The following ZNF217 variants were observed in gnomAD, a reference collection of about 807,000 sequenced individuals.
ZNF217 encodes the protein zinc finger protein 217.
A neutral mutation model predicts 73.3 loss-of-function variants in ZNF217; 12 were observed. The observed-to-expected ratio is 0.16, with a 90% CI of 0.10 to 0.27. The LOEUF (loss-of-function observed/expected upper bound fraction) is 0.27. Among genes scored for constraint, ZNF217 ranks in the 10% least tolerant of loss-of-function variants. The pLI, the probability that ZNF217 is intolerant of heterozygous loss-of-function variation, is 1.00. For synonymous variants in ZNF217, 588 were observed against 516.4 expected, an observed-to-expected ratio of 1.14 and a Z score of -1.88; for missense variants, 1,195 against 1,327.8, an observed-to-expected ratio of 0.90 and a Z score of 1.55.
chr20:53,572,671 G>C (rs778679166), intron 4 of ZNF217: 5 of 152,186 alleles, frequency 3.3e-5, no homozygotes, highest in Admixed American at 3.3e-4. Context: ...TTGACAGAGT[G>C]TTGTCACCAC....
At chr20:53,572,170 T>A (rs1988041561) in intron 4 of ZNF217, among the ~76,000 whole-genome samples, 1 of 152,206 alleles carries the variant, frequency 6.6e-6, no homozygotes, top group Admixed American at 6.5e-5. Context: ...AAAAGTGTTG[T>A]TTTTTGCTTT....
Position 53,581,841 on chromosome 20 carries a change from G to A in ZNF217, c.986C>T (p.Ser329Phe), listed in dbSNP as rs1391146908. 1 of 1,614,244 alleles carries A rather than the reference G, an allele frequency of 6.2e-7. No homozygotes were observed. Among genetic ancestry groups the A allele is most frequent in the Admixed American group, 1.7e-5 (1 of 60,032 alleles). The stretch of plus-strand genomic sequence containing the variant: ...ATTTGTTTCTCCAAGCTCCTTCTCG[G>A]AACTCGAATCGTCGTTGTCGGTGCT... ...EGSTDNDDSS[S>F]EKELGETNKG... Residue 329 changes from serine to phenylalanine, a missense_variant, in exon 2 of 6, where the codon TCC becomes TTC. Coordinates refer to ENST00000371471, the MANE Select transcript of ZNF217 (RefSeq NM_006526.3). The surrounding 1 kb of genome is among the most constrained non-coding windows in gnomAD (Gnocchi z 4.9).
At chr20:53,594,009 G>A (rs1454103918), upstream of ZNF217, among the ~76,000 whole-genome samples, 1 of 151,382 alleles carries the variant, frequency 6.6e-6, no homozygotes, top group African/African-American at 2.4e-5. Context: ...CATCCGCCGA[G>A]GAGCCTAGTG....
rs2145913616 is a variant in ZNF217, at chr20:53,568,553, G to C, written c.*735C>G. 6.6e-6 allele frequency: 1 copy of C among 152,254 alleles called. No homozygotes were observed. Among genetic ancestry groups the C allele is most frequent in the East Asian group, 1.9e-4 (1 of 5,182 alleles). 9.4% of individuals were successfully genotyped at this position (152,254 alleles called of 1,614,324 possible). A position where few individuals can be genotyped will look rare whatever the true frequency, so the allele number is the denominator to read the frequency against. ...TCAGTCAAGGATCCTGGAGGTTCCA[G>C]GACAATCTGGAGAGGCGAGGAAGAA... On this transcript the variant is annotated 3_prime_UTR_variant, in exon 6 of 6. Transcript: ENST00000371471.
intron 1 of ZNF217, among the ~76,000 whole-genome samples, chr20:53,590,634 C>G (rs1312651854): frequency 9.9e-5 from 15 of 152,032 alleles, no homozygotes; most frequent in Non-Finnish European, 2.1e-4. Flanking sequence ...GGGAAAACAG[C>G]ACATCTTTTG....
At chr20:53,594,415 C>G (rs1989001121), upstream of ZNF217, among the ~76,000 whole-genome samples, 1 of 150,470 alleles carries the variant, frequency 6.6e-6, no homozygotes, top group Non-Finnish European at 1.5e-5. Context: ...GCCCACGTGA[C>G]TAGCATAGGC....
Position 53,581,971 on chromosome 20 carries a change from A to G in ZNF217, c.856T>C (p.Cys286Arg). 1.2e-6 allele frequency: 2 copies of G among 1,614,230 alleles called. No homozygotes were observed. The highest frequency in any genetic ancestry group is 1.7e-6 in the Non-Finnish European group (2 of 1,180,030). ...GTGAACGGATCGAGCTGAGGGATGC[A>G]TCTGACAGGCTTCTTCCCCGTTTCA... ...HPETGKKPVRCIPQLDPFTTF... is the reference protein window; with the variant it reads ...HPETGKKPVRRIPQLDPFTTF... The change falls in exon 2 of 6, where the codon TGC becomes CGC. Residue 286 changes from cysteine (C) to arginine (R), a missense_variant. By Grantham distance (180) the Cys-to-Arg change is radical. This residue lies in a region of ZNF217 where 126 missense variants were observed against 114.4 expected (regional missense o/e 1.10). Coordinates refer to ENST00000371471, the MANE Select transcript of ZNF217 (RefSeq NM_006526.3). This position sits in a 1 kb window ranked among gnomAD's most constrained non-coding sequence, Gnocchi z 4.9.
chr20:53,583,047 C>A lies in ZNF217; in HGVS notation c.-221G>T. On this transcript the variant is annotated 5_prime_UTR_variant, in exon 2 of 6. Coordinates refer to ENST00000371471, the MANE Select transcript of ZNF217 (RefSeq NM_006526.3). ...CCACAAACAAGGCATACAGGGTTCC[C>A]AATGCCTCGATTCAAATATGAATCA... 2.0e-6 allele frequency: 1 copy of A among 492,276 alleles called. No homozygotes were observed. The highest frequency in any genetic ancestry group is 3.6e-6 in the Non-Finnish European group (1 of 280,634). 30.5% of individuals were successfully genotyped at this position (492,276 alleles called of 1,614,324 possible).
chr20:53,588,764 T>C (rs1988788126), intron 1 of ZNF217, among the ~76,000 whole-genome samples: 1 of 152,194 alleles, frequency 6.6e-6, no homozygotes, highest in Non-Finnish European at 1.5e-5. Context: ...CATAAGATCG[T>C]TCTTCTGCAA....
chr20:53,589,257 ACAAAGG>A (rs1486912576), intron 1 of ZNF217, among the ~76,000 whole-genome samples: 1 of 152,236 alleles, frequency 6.6e-6, no homozygotes, highest in Non-Finnish European at 1.5e-5. Context: ...CTTAATAAGA[ACAAAGG>A]CTAAGTAAGG....
intron 5 of ZNF217, 72 bp downstream of exon 5, chr20:53,571,649 C>T (rs1988010446): frequency 2.7e-6 from 4 of 1,503,266 alleles, no homozygotes; most frequent in Non-Finnish European, 2.7e-6. Context: ...TCAGGTGATC[C>T]GCCCGCCCTG....
chr20:53,582,870 G>T lies in ZNF217; in HGVS notation c.-44C>A. 1 of 1,555,336 alleles carries T rather than the reference G, an allele frequency of 6.4e-7. No individual in the cohort carries two copies. Among genetic ancestry groups the T allele is most frequent in the South Asian group, 1.2e-5 (1 of 80,608 alleles). The stretch of plus-strand genomic sequence containing the variant: ...TGGGCAATTTCTGGAGTTGGAATAA[G>T]GCCACTTGTAAGACTTGTCACTCAC... On this transcript the variant is annotated 5_prime_UTR_variant, in exon 2 of 6. Transcript: ENST00000371471. This position sits in a 1 kb window ranked among gnomAD's most constrained non-coding sequence, Gnocchi z 4.8.
At chr20:53,588,755 A>T (rs940518653) in intron 1 of ZNF217, among the ~76,000 whole-genome samples, 6 of 152,222 alleles carry the variant, frequency 3.9e-5, no homozygotes, top group Non-Finnish European at 8.8e-5. Flanking sequence ...CTTTTAAGGC[A>T]TAAGATCGTT....
At position 53,582,020 on chromosome 20, in the gene ZNF217, G is replaced by C. The variant is rs1482890049; in HGVS notation, c.807C>G (p.Phe269Leu). 3 of 1,614,218 alleles carry C rather than the reference G, an allele frequency of 1.9e-6. No individual in the cohort carries two copies. Among genetic ancestry groups the C allele is most frequent in the Non-Finnish European group, 2.5e-6 (3 of 1,180,038 alleles). ...PSSREDFLQL[F>L]NLRPKSHPET... Reference sequence around the variant, plus strand: ...CAGGGTGAGATTTTGGTCTCAAGTTGAACAACTGCAGGAAGTCCTCCCTCG... The same window carrying C: ...CAGGGTGAGATTTTGGTCTCAAGTTCAACAACTGCAGGAAGTCCTCCCTCG... Residue 269 changes from phenylalanine (F) to leucine (L), a missense_variant, in exon 2 of 6, where the codon TTC becomes TTG. Phe to Leu is a conservative substitution (Grantham distance 22). Coordinates refer to ENST00000371471, the MANE Select transcript of ZNF217 (RefSeq NM_006526.3). The surrounding 1 kb of genome is among the most constrained non-coding windows in gnomAD (Gnocchi z 4.8).
chr20:53,592,201 A>T (rs1051916510), intron 1 of ZNF217, among the ~76,000 whole-genome samples: 1 of 152,200 alleles, frequency 6.6e-6, no homozygotes, highest in African/African-American at 2.4e-5. Context: ...AGTGGCCAAT[A>T]ATACAGGACC....
intron 4 of ZNF217, among the ~76,000 whole-genome samples, 197 bp from the exon 5 acceptor site, chr20:53,572,050 G>A (rs919396972): frequency 1.2e-4 from 18 of 152,112 alleles, no homozygotes; most frequent in Non-Finnish European, 1.2e-4. Flanking sequence ...TTTGGTTGAT[G>A]TCACTAACAT....
At chr20:53,594,862 G>A (rs2145992032), upstream of ZNF217, among the ~76,000 whole-genome samples, 1 of 152,088 alleles carries the variant, frequency 6.6e-6, no homozygotes, top group Non-Finnish European at 1.5e-5. Flanking sequence ...GGAAGGTCGA[G>A]AAGATAAACA....
Position 53,581,598 on chromosome 20 carries a change from ATGG to A in ZNF217, c.1226_1228del (p.Thr409del). 4 of 1,614,202 alleles carry A rather than the reference ATGG, an allele frequency of 2.5e-6. No homozygotes were observed. Among genetic ancestry groups the A allele is most frequent in the Non-Finnish European group, 3.4e-6 (4 of 1,180,026 alleles). The stretch of plus-strand genomic sequence containing the variant: ...CCCCGGCTGCCTCCCGTCCACAGAC[ATGG>A]TGGGCGACTCCGCGCCGGCCCTCCG... On this transcript the variant is annotated inframe_deletion, in exon 2 of 6. Transcript: ENST00000371471. The surrounding 1 kb of genome is among the most constrained non-coding windows in gnomAD (Gnocchi z 4.9).
intron 1 of ZNF217, among the ~76,000 whole-genome samples, chr20:53,584,422 T>C (rs1357992084): frequency 6.6e-6 from 1 of 152,258 alleles, no homozygotes; most frequent in Non-Finnish European, 1.5e-5. Context: ...TACTCCTTGT[T>C]ATCTTTAGTT....
Sources: gnomAD v4.1 joint callset for allele counts (sites outside exome capture counted in the v4.1 genomes callset) on GRCh38, gnomAD v4.1.1 for gene constraint, gnomAD v4.1.1 regional missense constraint, Gnocchi (gnomAD v3.1) non-coding constraint, MANE v1.5 for transcripts, NCBI Gene and HGNC (gene_info 2026-07-23, HGNC 2026-07-21) for gene names.